The following SIL1 variants were observed in gnomAD, a reference collection of about 807,000 sequenced individuals.
SIL1 encodes nucleotide exchange factor SIL1.
In SIL1, 40 loss-of-function variants were observed where a neutral mutation model predicts 49.1. That is an observed-to-expected ratio of 0.81 (90% confidence interval 0.63 to 1.06). The LOEUF (loss-of-function observed/expected upper bound fraction) is 1.06. SIL1 is among the 50% of genes least tolerant of loss of function. The pLI is 0.00. For synonymous variants in SIL1, 253 were observed against 250.8 expected, an observed-to-expected ratio of 1.01 and a Z score of -0.08; for missense variants, 500 against 572.6, an observed-to-expected ratio of 0.87 and a Z score of 1.29.
chr5:139,127,775 G>A lies in SIL1; in HGVS notation c.69C>T (p.Ala23=), dbSNP rs756893810. 64 of 1,610,732 alleles carry A rather than the reference G, an allele frequency of 4.0e-5. No homozygotes were observed. The highest frequency in any genetic ancestry group is 6.7e-5 in the East Asian group (3 of 44,854). The change falls in exon 2 of 10, where the codon GCC becomes GCT. Residue 23 remains alanine (A), a synonymous_variant. Transcript: ENST00000394817. ...PLGMLLGLLM[A]ACFTFCLSHQ... Reference sequence around the variant, plus strand: ...GACTGAGGCAGAAGGTGAAGCAGGCGGCCATCAGCAGCCCAAGCAGCATGC... The same window carrying A: ...GACTGAGGCAGAAGGTGAAGCAGGCAGCCATCAGCAGCCCAAGCAGCATGC...
intron 7 of SIL1, among the ~76,000 whole-genome samples, chr5:138,978,580 A>G (rs10059600): frequency 0.022 from 3,326 of 152,330 alleles, 125 homozygotes; most frequent in African/African-American, 0.077. Context: ...GGATCACATG[A>G]TAACTCTATG....
At chr5:138,956,430 T>C (rs1005312736) in intron 7 of SIL1, among the ~76,000 whole-genome samples, 1 of 152,168 alleles carries the variant, frequency 6.6e-6, no homozygotes, top group Non-Finnish European at 1.5e-5. Context: ...TGAGTGGGGC[T>C]AGGTAATCAA....
chr5:139,153,803 C>T (rs114282357), intron 1 of SIL1, among the ~76,000 whole-genome samples: 224 of 152,326 alleles, frequency 1.5e-3, no homozygotes, highest in Non-Finnish European at 2.5e-3. Context: ...AGTGTCATAA[C>T]GGTGAGGTAT....
rs1766679188 is a variant in SIL1, at chr5:138,948,224, G to A, written c.1030-751C>T. 6.6e-6 allele frequency among the ~76,000 whole-genome samples: 1 copy of A among 152,208 alleles called. No individual in the cohort carries two copies. The highest frequency in any genetic ancestry group is 1.5e-5 in the Non-Finnish European group (1 of 68,036). On this transcript the variant is annotated intron_variant, in intron 9 of 9. Coordinates refer to ENST00000394817, the MANE Select transcript of SIL1 (RefSeq NM_022464.5). The surrounding 1 kb of genome is among the most constrained non-coding windows in gnomAD (Gnocchi z 4.8). ...TGGACCACCTGTGCTTCCTGCGGCAGCAGGAAGTCGTGGGGCTGATTGGGG... is the reference window on the plus strand; with the variant it reads ...TGGACCACCTGTGCTTCCTGCGGCAACAGGAAGTCGTGGGGCTGATTGGGG...
At chr5:138,952,236 G>A (rs980578219) in intron 7 of SIL1, among the ~76,000 whole-genome samples, 30 of 152,328 alleles carry the variant, frequency 2.0e-4, no homozygotes, top group South Asian at 8.3e-4. Context: ...CTTTCTTGGC[G>A]CTTCCCAAGC....
intron 2 of SIL1, among the ~76,000 whole-genome samples, chr5:139,122,590 G>A (rs1451563589): frequency 2.0e-5 from 3 of 149,446 alleles, no homozygotes; most frequent in Non-Finnish European, 4.4e-5. Context: ...GCAAGACCCT[G>A]TCTCAAAAAA....
At chr5:139,197,161 G>C (rs1044955203) in intron 1 of SIL1, among the ~76,000 whole-genome samples, 1 of 151,548 alleles carries the variant, frequency 6.6e-6, no homozygotes, top group Non-Finnish European at 1.5e-5. Context: ...CCTGCTAATC[G>C]GGAAGGTGAG....
At chr5:138,974,193 C>T (rs10428620) in intron 7 of SIL1, among the ~76,000 whole-genome samples, 4,510 of 152,246 alleles carry the variant, frequency 0.03, 136 homozygotes, top group African/African-American at 0.079. Context: ...TCGGCTGCAA[C>T]GGGGTCTCTC....
chr5:139,042,505 A>T, intron 5 of SIL1, 115 bp downstream of exon 5: 2 of 902,856 alleles, frequency 2.2e-6, no homozygotes, highest in Non-Finnish European at 3.7e-6. Flanking sequence ...AAATTATTTT[A>T]CAATATTGTT....
chr5:139,143,241 GTATA>G (rs887268799), intron 1 of SIL1, among the ~76,000 whole-genome samples: 16 of 112,732 alleles, frequency 1.4e-4, no homozygotes, highest in African/African-American at 2.3e-4. Flanking sequence ...ATACATATAT[GTATA>G]TATACATATA....
chr5:139,107,414 CAG>C (rs897523432), intron 3 of SIL1, among the ~76,000 whole-genome samples: 4 of 152,154 alleles, frequency 2.6e-5, no homozygotes, highest in East Asian at 3.9e-4. Flanking sequence ...AAAAAAAATA[CAG>C]AGTTTCCCAT....
chr5:139,000,076 G>GT (rs1347740149), intron 7 of SIL1, among the ~76,000 whole-genome samples: 1 of 151,994 alleles, frequency 6.6e-6, no homozygotes, highest in East Asian at 1.9e-4. Context: ...ATTTTTCCCT[G>GT]TTCAGTACAA....
intron 7 of SIL1, among the ~76,000 whole-genome samples, chr5:138,987,712 C>G (rs1232067671): frequency 6.6e-6 from 1 of 152,208 alleles, no homozygotes; most frequent in African/African-American, 2.4e-5. Context: ...ATCCCCTACC[C>G]TGAGGATAAT....
intron 1 of SIL1, among the ~76,000 whole-genome samples, chr5:139,143,338 C>CATATAT (rs1251442889): frequency 2.1e-4 from 18 of 84,214 alleles, no homozygotes; most frequent in Non-Finnish European, 3.0e-4. Flanking sequence ...CACACACACA[C>CATATAT]ACACACATAT....
At chr5:139,174,243 T>C (rs569183216) in intron 1 of SIL1, among the ~76,000 whole-genome samples, 2 of 152,354 alleles carry the variant, frequency 1.3e-5, no homozygotes, top group Admixed American at 1.3e-4. Context: ...TTCACACCTA[T>C]AATCCTAGCA....
intron 5 of SIL1, among the ~76,000 whole-genome samples, chr5:139,033,872 A>G (rs1167296904): frequency 1.3e-5 from 2 of 152,218 alleles, no homozygotes; most frequent in African/African-American, 4.8e-5. Context: ...TAATACCCTT[A>G]CTGATCCGCT....
intron 1 of SIL1, among the ~76,000 whole-genome samples, chr5:139,133,730 A>G (rs1750915882): frequency 6.6e-6 from 1 of 152,232 alleles, no homozygotes; most frequent in Admixed American, 6.5e-5. Context: ...TTGGAATTCC[A>G]TCTTATAAAA....
intron 7 of SIL1, among the ~76,000 whole-genome samples, chr5:139,014,492 G>GA (rs1374889862): frequency 6.6e-6 from 1 of 152,096 alleles, no homozygotes; most frequent in Non-Finnish European, 1.5e-5. Context: ...GGATAGTAGT[G>GA]AAAAAATCTG....
chr5:138,993,154 G>C (rs1454063226), intron 7 of SIL1, among the ~76,000 whole-genome samples: 1 of 152,162 alleles, frequency 6.6e-6, no homozygotes, highest in Admixed American at 6.5e-5. Flanking sequence ...AGCATCATTT[G>C]ACAGCTTCTG....
Sources: allele counts gnomAD v4.1 joint callset (sites outside exome capture counted in the v4.1 genomes callset), GRCh38; gene constraint gnomAD v4.1.1; non-coding constraint Gnocchi (gnomAD v3.1); transcripts MANE v1.5; gene names NCBI Gene and HGNC (gene_info 2026-07-23, HGNC 2026-07-21).